Variants in DENND1A observed in about 807,000 individuals in gnomAD.
DENND1A encodes DENN domain containing 1A, also known as DENN domain-containing protein 1A.
Under a neutral mutation model 113.7 loss-of-function variants are expected in DENND1A, and 51 were observed. That is an observed-to-expected ratio of 0.45 (90% CI 0.36 to 0.57). The LOEUF (loss-of-function observed/expected upper bound fraction) is 0.57, where lower values mean the gene tolerates loss of function less well. DENND1A is among the 20% of genes least tolerant of loss of function. The pLI is 0.00. For missense variants in DENND1A, 1,258 were observed against 1,395.9 expected, an observed-to-expected ratio of 0.90 and a Z score of 1.57; for synonymous variants, 565 against 570.8, an observed-to-expected ratio of 0.99 and a Z score of 0.14.
At chr9:123,433,481 G>C (rs1182163589) in intron 19 of DENND1A, among the ~76,000 whole-genome samples, 1 of 152,156 alleles carries the variant, frequency 6.6e-6, no homozygotes, top group Non-Finnish European at 1.5e-5. Context: ...CCATTTGAAA[G>C]TAAGTTGCAA....
At chr9:123,446,034 G>A (rs570825679) in intron 18 of DENND1A, among the ~76,000 whole-genome samples, 3 of 152,250 alleles carry the variant, frequency 2.0e-5, no homozygotes, top group South Asian at 4.2e-4. Flanking sequence ...GTGAGGTCTT[G>A]TAACTTATCC....
chr9:123,715,756 G>T (rs574127168), intron 5 of DENND1A, among the ~76,000 whole-genome samples: 2 of 152,012 alleles, frequency 1.3e-5, no homozygotes, highest in South Asian at 4.2e-4. Flanking sequence ...TACAACCTCC[G>T]CTCACTGCAG....
chr9:123,742,163 T>C (rs988588848), intron 5 of DENND1A, among the ~76,000 whole-genome samples: 6 of 152,096 alleles, frequency 3.9e-5, no homozygotes. Context: ...TCAATTCCAA[T>C]TGCGTTTAGG....
chr9:123,478,518 G>C (rs1419983197), intron 13 of DENND1A, among the ~76,000 whole-genome samples: 1 of 152,234 alleles, frequency 6.6e-6, no homozygotes, highest in Non-Finnish European at 1.5e-5. Context: ...CAAAATAGCA[G>C]TGAACATTTA....
chr9:123,892,581 A>G (rs1011827706), intron 1 of DENND1A, among the ~76,000 whole-genome samples: 1 of 152,222 alleles, frequency 6.6e-6, no homozygotes, highest in African/African-American at 2.4e-5. Flanking sequence ...ACAGAGGGAG[A>G]GCATCAGGGT....
intron 19 of DENND1A, among the ~76,000 whole-genome samples, chr9:123,439,387 C>A (rs1333810877): frequency 6.6e-6 from 1 of 152,148 alleles, no homozygotes; most frequent in Admixed American, 6.5e-5. Context: ...ACAGTAGTAA[C>A]CTGGAGCAAG....
chr9:123,500,256 T>C (rs1368487702), intron 13 of DENND1A, among the ~76,000 whole-genome samples: 1 of 152,180 alleles, frequency 6.6e-6, no homozygotes, highest in East Asian at 1.9e-4. Context: ...CAAACACTTG[T>C]AAATGTCATT....
intron 13 of DENND1A, among the ~76,000 whole-genome samples, chr9:123,548,721 A>G (rs1016456085): frequency 7.9e-5 from 12 of 152,246 alleles, no homozygotes; most frequent in African/African-American, 2.7e-4. Context: ...ATAGTGGAAT[A>G]TTATTCAGTC....
At chr9:123,632,127 T>C (rs1416506172) in intron 9 of DENND1A, among the ~76,000 whole-genome samples, 2 of 152,140 alleles carry the variant, frequency 1.3e-5, no homozygotes, top group Non-Finnish European at 2.9e-5. Flanking sequence ...CAGCTTTAAA[T>C]TGGATATTCT....
chr9:123,694,354 G>T (rs996034275), intron 5 of DENND1A, among the ~76,000 whole-genome samples: 21 of 152,130 alleles, frequency 1.4e-4, no homozygotes, highest in African/African-American at 5.1e-4. Context: ...CAAGCTCTGT[G>T]TCATCAAGCC....
Position 123,680,578 on chromosome 9 carries a change from C to T in DENND1A, c.303-3789G>A, listed in dbSNP as rs746491807. On this transcript the variant is annotated intron_variant, in intron 5 of 23. Transcript: ENST00000394215. ...GACAGCATCCTGCATCTAAATCTGT[C>T]GACCGGGTGAGCTGCTGGCTCTTGA... is the stretch of plus-strand genomic sequence containing the variant. 2.6e-5 allele frequency among the ~76,000 whole-genome samples: 4 copies of T among 152,286 alleles called. No individual in the cohort carries two copies. The East Asian group carries it at 5.8e-4, about 22-fold the overall frequency.
At chr9:123,829,411 A>G (rs980594342) in intron 2 of DENND1A, among the ~76,000 whole-genome samples, 1 of 152,132 alleles carries the variant, frequency 6.6e-6, no homozygotes, top group Non-Finnish European at 1.5e-5. Flanking sequence ...AAAAGAAAAA[A>G]ATCATCTCCA....
chr9:123,485,611 G>C (rs2050736177), intron 13 of DENND1A: 1 of 124,898 alleles, frequency 8.0e-6, no homozygotes, highest in East Asian at 2.2e-4. Flanking sequence ...GGTTCCACCA[G>C]GGGACACCGT....
At chr9:123,565,867 A>C (rs1244583358) in intron 12 of DENND1A, among the ~76,000 whole-genome samples, 1 of 152,270 alleles carries the variant, frequency 6.6e-6, no homozygotes, top group African/African-American at 2.4e-5. Flanking sequence ...CTTTCCCAGG[A>C]ATAGTTTCTG....
intron 15 of DENND1A, among the ~76,000 whole-genome samples, chr9:123,456,492 A>C (rs547668435): frequency 9.9e-5 from 15 of 152,244 alleles, no homozygotes; most frequent in African/African-American, 3.1e-4. Context: ...GGGACCAGGC[A>C]CTCAACAATA....
intron 13 of DENND1A, among the ~76,000 whole-genome samples, chr9:123,536,888 T>A (rs903284993): frequency 3.9e-5 from 6 of 152,182 alleles, no homozygotes; most frequent in Non-Finnish European, 7.4e-5. Flanking sequence ...CTCAGTGAAG[T>A]TAGAAAAGCT....
intron 13 of DENND1A, among the ~76,000 whole-genome samples, chr9:123,547,243 T>C (rs1259678313): frequency 1.3e-5 from 2 of 152,226 alleles, no homozygotes; most frequent in Non-Finnish European, 2.9e-5. Flanking sequence ...AAAAACTGAC[T>C]GTAGGGCCGG....
At chr9:123,830,754 T>A (rs1214518126) in intron 2 of DENND1A, among the ~76,000 whole-genome samples, 2 of 151,098 alleles carry the variant, frequency 1.3e-5, no homozygotes, top group Non-Finnish European at 2.9e-5. Context: ...TAATCCCAGC[T>A]ACTCGGGAGG....
intron 18 of DENND1A, among the ~76,000 whole-genome samples, chr9:123,448,011 G>A (rs1344980469): frequency 6.6e-6 from 1 of 152,194 alleles, no homozygotes; most frequent in Non-Finnish European, 1.5e-5. Context: ...GGGGAAAAGT[G>A]AAAATTGAAA....
Sources: gnomAD v4.1 joint callset for allele counts (sites outside exome capture counted in the v4.1 genomes callset) on GRCh38, gnomAD v4.1.1 for gene constraint, MANE v1.5 for transcripts, NCBI Gene and HGNC (gene_info 2026-07-23, HGNC 2026-07-21) for gene names.